ENOX1: variants seen among roughly 807,000 people sequenced by gnomAD.
ENOX1 encodes ecto-NOX disulfide-thiol exchanger 1, also known as candidate growth-related and time keeping constitutive hydroquinone (NADH) oxidase.
ENOX1 carries 42 observed loss-of-function variants against 82.5 expected under a neutral mutation model. The observed-to-expected ratio is 0.51, with a 90% CI of 0.40 to 0.66. ENOX1 has a LOEUF of 0.66. Ranked by LOEUF, ENOX1 falls within the 30% of genes least tolerant of loss-of-function variation. ENOX1 has a pLI of 0.00. For missense variants in ENOX1, 608 were observed against 811.6 expected (o/e 0.75, Z 3.05); for synonymous variants, 271 against 282.2 (o/e 0.96, Z 0.40).
chr13:43,623,603 C>A (rs374939863), intron 2 of ENOX1, among the ~76,000 whole-genome samples: 1 of 152,046 alleles, frequency 6.6e-6, no homozygotes, highest in African/African-American at 2.4e-5. Context: ...GGTGGTATCC[C>A]GGGTCCACTT....
intron 11 of ENOX1, among the ~76,000 whole-genome samples, chr13:43,305,840 G>A (rs1355383607): frequency 6.6e-6 from 1 of 152,224 alleles, no homozygotes. Flanking sequence ...TCTGTCAGGT[G>A]AGGATGCCTT....
At chr13:43,279,968 G>C (rs574932825) in intron 12 of ENOX1, among the ~76,000 whole-genome samples, 16 of 152,224 alleles carry the variant, frequency 1.1e-4, no homozygotes, top group Admixed American at 6.5e-5. Flanking sequence ...ACATGTATCA[G>C]TGACATTCTC....
chr13:43,744,035 A>G (rs1209921854), intron 1 of ENOX1, among the ~76,000 whole-genome samples: 1 of 152,118 alleles, frequency 6.6e-6, no homozygotes, highest in African/African-American at 2.4e-5. Flanking sequence ...TCACCTCTTA[A>G]AGATCCCATC....
chr13:43,500,446 G>GA (rs1476663964), intron 2 of ENOX1, among the ~76,000 whole-genome samples: 1 of 151,990 alleles, frequency 6.6e-6, no homozygotes, highest in African/African-American at 2.4e-5. Context: ...TGCTGAAAGA[G>GA]AAAAAAAGTT....
intron 2 of ENOX1, among the ~76,000 whole-genome samples, chr13:43,645,473 T>A (rs1219028218): frequency 9.0e-6 from 1 of 110,724 alleles, no homozygotes; most frequent in Non-Finnish European, 2.0e-5. Context: ...AAGTCTTTAA[T>A]AAGATTCAAT....
intron 3 of ENOX1, among the ~76,000 whole-genome samples, chr13:43,470,361 TATAC>T (rs1249743530): frequency 0.12 from 7,049 of 59,248 alleles, 1,971 homozygotes; most frequent in East Asian, 0.6. Flanking sequence ...TATGTATATA[TATAC>T]GTATATATAT....
At chr13:43,421,990 C>T (rs185453676) in intron 3 of ENOX1, among the ~76,000 whole-genome samples, 52 of 146,008 alleles carry the variant, frequency 3.6e-4, no homozygotes, top group African/African-American at 1.3e-3. Context: ...ATAAAGGAAC[C>T]AAGAAAAAAA....
At chr13:43,602,740 C>T (rs964435312) in intron 2 of ENOX1, among the ~76,000 whole-genome samples, 3 of 151,950 alleles carry the variant, frequency 2.0e-5, no homozygotes, top group Admixed American at 2.0e-4. Flanking sequence ...ATATTCACTA[C>T]AGCATCATAT....
intron 2 of ENOX1, among the ~76,000 whole-genome samples, chr13:43,665,882 C>A (rs919226566): frequency 6.7e-6 from 1 of 149,568 alleles, no homozygotes; most frequent in African/African-American, 2.5e-5. Context: ...ATAGTCCTTG[C>A]CATTCGCTAA....
At chr13:43,478,945 G>A (rs531882339) in intron 3 of ENOX1, among the ~76,000 whole-genome samples, 278 of 60,940 alleles carry the variant, frequency 4.6e-3, no homozygotes, top group African/African-American at 0.014. Flanking sequence ...GAGCCATTTC[G>A]GGGGAGAAAT....
chr13:43,548,757 G>C (rs994386421), intron 2 of ENOX1, among the ~76,000 whole-genome samples: 2 of 152,146 alleles, frequency 1.3e-5, no homozygotes, highest in African/African-American at 4.8e-5. Flanking sequence ...ACGACCCAAG[G>C]TGCGGCTGGC....
chr13:43,734,070 T>C (rs1476010483), intron 1 of ENOX1, among the ~76,000 whole-genome samples: 1 of 152,182 alleles, frequency 6.6e-6, no homozygotes, highest in Non-Finnish European at 1.5e-5. Context: ...AAGGAAAGCC[T>C]CAAGGACTTC....
intron 1 of ENOX1, among the ~76,000 whole-genome samples, chr13:43,742,135 T>C (rs941413605): frequency 1.3e-5 from 2 of 152,094 alleles, no homozygotes; most frequent in African/African-American, 2.4e-5. Flanking sequence ...TTATCATAAA[T>C]CATGTATATT....
intron 12 of ENOX1, among the ~76,000 whole-genome samples, chr13:43,277,389 G>A (rs1486968762): frequency 6.6e-6 from 1 of 152,238 alleles, no homozygotes; most frequent in East Asian, 1.9e-4. Flanking sequence ...CAGCCGAGGT[G>A]CAGGCCTGCC....
intron 14 of ENOX1, among the ~76,000 whole-genome samples, chr13:43,264,487 T>C (rs1472695074): frequency 6.6e-6 from 1 of 152,148 alleles, no homozygotes; most frequent in Non-Finnish European, 1.5e-5. Context: ...ATCTGCTGGG[T>C]AGGAACAATA....
At chr13:43,274,168 G>A (rs2044863874) in intron 12 of ENOX1, among the ~76,000 whole-genome samples, 1 of 152,322 alleles carries the variant, frequency 6.6e-6, no homozygotes, top group South Asian at 2.1e-4. Flanking sequence ...TTACCTGGCA[G>A]TTCCAGATAT....
intron 2 of ENOX1, among the ~76,000 whole-genome samples, chr13:43,624,074 T>A (rs997756397): frequency 6.6e-6 from 1 of 152,214 alleles, no homozygotes. Context: ...TTCCTCTGCA[T>A]CTTGCTAGCA....
intron 3 of ENOX1, among the ~76,000 whole-genome samples, chr13:43,449,474 T>C (rs1172217107): frequency 4.6e-5 from 7 of 152,198 alleles, no homozygotes; most frequent in Non-Finnish European, 8.8e-5. Flanking sequence ...GTATTTCTTA[T>C]GGAAACAAAA....
intron 1 of ENOX1, among the ~76,000 whole-genome samples, chr13:43,757,459 G>A (rs914264047): frequency 8.5e-5 from 13 of 152,176 alleles, no homozygotes; most frequent in Non-Finnish European, 1.5e-4. Context: ...TGTGTGGCTT[G>A]GCCATCTCAT....
Sources: gnomAD v4.1 joint callset for allele counts (sites outside exome capture counted in the v4.1 genomes callset) on GRCh38, gnomAD v4.1.1 for gene constraint, MANE v1.5 for transcripts, NCBI Gene and HGNC (gene_info 2026-07-23, HGNC 2026-07-21) for gene names.